FAM184A: variants seen among roughly 807,000 people sequenced by gnomAD.
The protein encoded by FAM184A is protein FAM184A.
Under a neutral mutation model 143.8 loss-of-function variants are expected in FAM184A, and 99 were observed. The ratio of observed to expected loss-of-function variants is 0.69; its 90% CI spans 0.58 to 0.81. The LOEUF is 0.81. Among genes scored for constraint, FAM184A ranks in the 40% least tolerant of loss-of-function variants. The pLI, the probability that FAM184A is intolerant of heterozygous loss-of-function variation, is 0.00. For missense variants in FAM184A, 1,217 were observed against 1,310.5 expected (o/e 0.93, Z 1.10); for synonymous variants, 427 against 446.4 (o/e 0.96, Z 0.55).
intron 5 of FAM184A, among the ~76,000 whole-genome samples, chr6:119,013,971 T>C (rs990128891): frequency 6.6e-6 from 1 of 152,230 alleles, no homozygotes; most frequent in African/African-American, 2.4e-5. Context: ...AACTGTAAAG[T>C]ACCATTAGTG....
chr6:119,147,509 A>T (rs1244553610), intron 1 of FAM184A, among the ~76,000 whole-genome samples: 1 of 152,118 alleles, frequency 6.6e-6, no homozygotes, highest in Non-Finnish European at 1.5e-5. Flanking sequence ...GAGATGATAG[A>T]CTGAATCTAG....
intron 1 of FAM184A, among the ~76,000 whole-genome samples, chr6:119,028,562 G>T (rs1442883616): frequency 6.6e-6 from 1 of 152,192 alleles, no homozygotes; most frequent in Non-Finnish European, 1.5e-5. Context: ...CAAGTTTCCA[G>T]ATTTCTGAAC....
At chr6:119,144,185 T>G (rs1182569657) in intron 1 of FAM184A, among the ~76,000 whole-genome samples, 2 of 91,606 alleles carry the variant, frequency 2.2e-5, no homozygotes, top group Non-Finnish European at 4.6e-5. Context: ...AAAAAAAAAA[T>G]TAGCCGGGTG....
At position 119,078,291 on chromosome 6, in the gene FAM184A, G is replaced by A. The variant is rs374543639; in HGVS notation, c.9C>T (p.Thr3=). 1.4e-5 allele frequency: 21 copies of A among 1,495,750 alleles called. No homozygotes were observed. The highest frequency in any genetic ancestry group is 2.6e-5 in the South Asian group (2 of 78,428). The allele number at this position is 1,495,750 out of a possible 1,614,324, so 92.7% of individuals were successfully genotyped here. A position where few individuals can be genotyped will look rare whatever the true frequency, so the allele number is the denominator to read the frequency against. MA[T]PGMSWQQHYY... ...AGTGCTGCTGCCAGCTCATGCCCGG[G>A]GTCGCCATCTTCCCAACAGACCCCA... The change falls in exon 1 of 18, where the codon ACC becomes ACT. Residue 3 remains threonine, a synonymous_variant. Transcript: ENST00000338891. The surrounding 1 kb of genome is among the most constrained non-coding windows in gnomAD (Gnocchi z 5.5).
intron 1 of FAM184A, among the ~76,000 whole-genome samples, chr6:119,098,279 C>T (rs1198324554): frequency 6.6e-6 from 1 of 152,182 alleles, no homozygotes; most frequent in Admixed American, 6.5e-5. Context: ...GCCTTCCCAG[C>T]CACGTGGAAC....
intron 1 of FAM184A, among the ~76,000 whole-genome samples, chr6:119,093,139 C>T (rs1163738444): frequency 6.6e-6 from 1 of 152,166 alleles, no homozygotes; most frequent in African/African-American, 2.4e-5. Context: ...TCATAGAGGC[C>T]ACTGCCACTA....
intron 14 of FAM184A, among the ~76,000 whole-genome samples, chr6:118,969,438 CAAGT>C (rs897357937): frequency 3.9e-5 from 6 of 152,106 alleles, no homozygotes; most frequent in Admixed American, 1.3e-4. Flanking sequence ...AAGGAGAGAA[CAAGT>C]AAGTAATATG....
In FAM184A at chr6:119,026,631, A is replaced by T. The variant is rs2114696432; in HGVS notation, c.160-1818T>A. 1.3e-5 allele frequency among the ~76,000 whole-genome samples: 2 copies of T among 152,268 alleles called. 1 individual carries two copies. The highest frequency in any genetic ancestry group is 6.8e-3 in the Middle Eastern group (2 of 294). On this transcript the variant is annotated intron_variant, in intron 1 of 17. Transcript: ENST00000338891. ...CATGCTGGGCTTTTCTGCACTCTATACTTCGGGATTTAGACACAACTGACC... is the reference window on the plus strand; with the variant it reads ...CATGCTGGGCTTTTCTGCACTCTATTCTTCGGGATTTAGACACAACTGACC...
intron 1 of FAM184A, among the ~76,000 whole-genome samples, chr6:119,034,041 T>TATATAGAGAGAG (rs1409214932): frequency 4.8e-5 from 2 of 42,008 alleles, no homozygotes; most frequent in African/African-American, 2.1e-4. Context: ...TATATATATA[T>TATATAGAGAGAG]AGAGAGAGAG....
chr6:119,095,638 A>G (rs749653413), intron 1 of FAM184A, among the ~76,000 whole-genome samples: 1 of 152,096 alleles, frequency 6.6e-6, no homozygotes, highest in Non-Finnish European at 1.5e-5. Context: ...AGCTCACTGC[A>G]GCCTCGAACA....
chr6:119,022,825 C>G (rs111672889), intron 3 of FAM184A, 120 bp downstream of exon 3: 1 of 1,189,732 alleles, frequency 8.4e-7, no homozygotes, highest in Non-Finnish European at 1.2e-6. Flanking sequence ...TGCAATGAGC[C>G]GAGATTGAGC....
At chr6:119,039,512 A>C (rs1786238501) in intron 1 of FAM184A, among the ~76,000 whole-genome samples, 1 of 152,242 alleles carries the variant, frequency 6.6e-6, no homozygotes, top group Admixed American at 6.5e-5. Flanking sequence ...TAAGTAAAAG[A>C]AGCCAAATTG....
chr6:118,974,343 T>C lies in FAM184A; in HGVS notation c.2915+85A>G, dbSNP rs1783782328. 7.7e-6 allele frequency: 10 copies of C among 1,300,722 alleles called. No homozygotes were observed. The East Asian group carries it at 2.4e-4, about 32-fold the overall frequency. 80.6% of individuals were successfully genotyped at this position (1,300,722 alleles called of 1,614,324 possible). ...TTTTAAAGTATCCTTTTTATTAGAGTCAAAATAACAGCTAATCTGAGGTTA... is the reference window on the plus strand; with the variant it reads ...TTTTAAAGTATCCTTTTTATTAGAGCCAAAATAACAGCTAATCTGAGGTTA... On this transcript the variant is annotated intron_variant, in intron 14 of 17. Transcript: ENST00000338891.
chr6:118,960,678 T>C, intron 17 of FAM184A: 1 of 519,052 alleles, frequency 1.9e-6, no homozygotes, highest in Non-Finnish European at 3.2e-6. Flanking sequence ...AAAATATAAT[T>C]TCCCCCGTTA....
chr6:119,132,113 C>T lies in FAM184A; in HGVS notation c.-202+16965G>A, dbSNP rs575692379. Among the ~76,000 whole-genome samples the T allele has an allele frequency of 1.3e-5, 2 of 152,178 alleles. 1 individual carries two copies. The highest frequency in any genetic ancestry group is 4.1e-4 in the South Asian group (2 of 4,820). ...GAGTAAAATTTTAAAAACTTTGCTC[C>T]CCCATAAAACATTCCTTCATTTGTT... On this transcript the variant is annotated intron_variant, in intron 1 of 16. Transcript: ENST00000352896.
Position 118,961,890 on chromosome 6 carries a change from C to T in FAM184A, c.3212G>A (p.Gly1071Asp). The T allele has an allele frequency of 1.9e-6, 3 of 1,613,862 alleles. No homozygotes were observed. The highest frequency in any genetic ancestry group is 8.5e-7 in the Non-Finnish European group (1 of 1,179,874). The change falls in exon 17 of 18, where the codon GGT becomes GAT. Residue 1071 changes from glycine (G) to aspartate (D), a missense_variant. Transcript: ENST00000338891. ...GTTAGGATGTCCATTGCCCACTCCA[C>T]CAGATTCCAGAGCACTTAGATTGGG... The part of the protein sequence containing the change: ...SVPNLSALES[G>D]GVGNGHPNRL...
chr6:119,110,432 A>G (rs1238027174), intron 1 of FAM184A, among the ~76,000 whole-genome samples: 1 of 152,160 alleles, frequency 6.6e-6, no homozygotes, highest in Admixed American at 6.5e-5. Flanking sequence ...GAACTGTGGC[A>G]TACCCTCATC....
intron 6 of FAM184A, chr6:119,009,591 C>G (rs1448408143): frequency 4.6e-5 from 7 of 152,460 alleles, no homozygotes; most frequent in Non-Finnish European, 5.9e-5. Context: ...ATGTCTTTAT[C>G]AGCAGCATGA....
intron 5 of FAM184A, among the ~76,000 whole-genome samples, chr6:119,015,516 A>G (rs1785216176): frequency 6.6e-6 from 1 of 152,128 alleles, no homozygotes; most frequent in Non-Finnish European, 1.5e-5. Flanking sequence ...GTGCCAGCCC[A>G]CCGATGCTGC....
Sources: allele counts gnomAD v4.1 joint callset (sites outside exome capture counted in the v4.1 genomes callset), GRCh38; gene constraint gnomAD v4.1.1; non-coding constraint Gnocchi (gnomAD v3.1); transcripts MANE v1.5; gene names NCBI Gene and HGNC (gene_info 2026-07-23, HGNC 2026-07-21).